The following ARHGAP40 variants were observed in gnomAD, a reference collection of about 807,000 sequenced individuals.
ARHGAP40 encodes the protein Rho GTPase activating protein 40, also known as rho GTPase-activating protein 40.
ARHGAP40 carries 43 observed loss-of-function variants against 73.5 expected under a neutral mutation model. That is an observed-to-expected ratio of 0.58 (90% CI 0.46 to 0.75). The LOEUF (loss-of-function observed/expected upper bound fraction) is 0.75, where lower values mean the gene tolerates loss of function less well. Among genes scored for constraint, ARHGAP40 ranks in the 30% least tolerant of loss-of-function variants. ARHGAP40 has a pLI of 0.00. For synonymous variants in ARHGAP40, 300 were observed against 352.8 expected, an observed-to-expected ratio of 0.85 and a Z score of 1.68; for missense variants, 734 against 861.8, an observed-to-expected ratio of 0.85 and a Z score of 1.86.
chr20:38,641,234 T>C (rs1376338947), intron 9 of ARHGAP40, among the ~76,000 whole-genome samples: 1 of 152,188 alleles, frequency 6.6e-6, no homozygotes, highest in African/African-American at 2.4e-5. Context: ...CTGGCTCTGA[T>C]GAACTCCTTC....
chr20:38,612,975 G>C (rs1569008055), intron 1 of ARHGAP40, among the ~76,000 whole-genome samples: 1 of 152,226 alleles, frequency 6.6e-6, no homozygotes, highest in Non-Finnish European at 1.5e-5. Context: ...CTGCGCTGCT[G>C]GCTGGAGGCC....
rs189062101 is a variant in ARHGAP40, at chr20:38,632,051, C to T, written c.783+2401C>T. Among the ~76,000 whole-genome samples, 595 of 152,008 alleles carry T rather than the reference C, an allele frequency of 3.9e-3. 5 individuals carry two copies. Among genetic ancestry groups the T allele is most frequent in the Non-Finnish European group, 4.9e-3 (335 of 67,998 alleles). The stretch of plus-strand genomic sequence containing the variant: ...AAACCTCGGCTCACTACAACCTCCA[C>T]CCCCGACGTTCAAGTGATTGTTGTG... On this transcript the variant is annotated intron_variant, in intron 5 of 14. Coordinates refer to ENST00000373345, the Ensembl canonical transcript of ARHGAP40.
chr20:38,644,641 T>TC (rs1344631049), intron 11 of ARHGAP40, among the ~76,000 whole-genome samples: 1 of 61,570 alleles, frequency 1.6e-5, no homozygotes, highest in Non-Finnish European at 2.9e-5. Context: ...CACCCACCTA[T>TC]CCCCCCCACC....
rs936861345 is a variant in ARHGAP40, at chr20:38,637,727, GCC to G, written c.972_973del (p.Leu325Ter). The G allele has an allele frequency of 2.8e-5, 37 of 1,305,268 alleles. No individual in the cohort carries two copies. In the Admixed American group the frequency reaches 8.0e-4, roughly 28 times the overall value. The allele number at this position is 1,305,268 out of a possible 1,614,324, so 80.9% of individuals were successfully genotyped here. ...CTGCAGAAACTCGCCTCTTTGGTGT[GCC>G]CCTTGACAGCCTGCTAGAAGCTGAC... On this transcript the variant is annotated frameshift_variant, in exon 7 of 15. Transcript: ENST00000373345. LOFTEE classifies it high-confidence loss of function.
chr20:38,634,524 C>T (rs1274373989), intron 5 of ARHGAP40, 96 bp from the exon 6 acceptor site: 1 of 1,135,086 alleles, frequency 8.8e-7, no homozygotes, highest in African/African-American at 1.6e-5. Context: ...GCTGCTCTTC[C>T]TTCTGCCTAA....
At chr20:38,615,250 C>T (rs2088828364) in intron 1 of ARHGAP40, 1 of 770,116 alleles carries the variant, frequency 1.3e-6, no homozygotes, top group Non-Finnish European at 2.4e-6. Context: ...ATTCATGATC[C>T]CTCATCTTCT....
intron 5 of ARHGAP40, among the ~76,000 whole-genome samples, chr20:38,634,358 A>G (rs1024657579): frequency 6.6e-6 from 1 of 152,178 alleles, no homozygotes; most frequent in Non-Finnish European, 1.5e-5. Flanking sequence ...TTTCCAAAGA[A>G]AAAAACAAAC....
chr20:38,641,803 T>A (rs1312021540), exon 10 of ARHGAP40: 1 of 1,292,202 alleles, frequency 7.7e-7, no homozygotes, highest in Middle Eastern at 2.1e-4. Flanking sequence ...CAGAAATGCC[T>A]TAAAGGTAAG....
At chr20:38,648,366 A>G (rs548861467) in intron 13 of ARHGAP40, among the ~76,000 whole-genome samples, 6 of 152,340 alleles carry the variant, frequency 3.9e-5, no homozygotes, top group African/African-American at 1.4e-4. Flanking sequence ...CGCAGTCTCC[A>G]TTCTGATGCC....
At chr20:38,607,127 G>A (rs554480479) in intron 1 of ARHGAP40, among the ~76,000 whole-genome samples, 2 of 152,276 alleles carry the variant, frequency 1.3e-5, no homozygotes, top group East Asian at 3.9e-4. Flanking sequence ...TGGTCAAAGG[G>A]CAAGTTCTTG....
chr20:38,643,639 T>C, intron 10 of ARHGAP40, 65 bp from the exon 11 acceptor site: 5 of 1,234,158 alleles, frequency 4.1e-6, no homozygotes, highest in Middle Eastern at 2.2e-4. Context: ...CAGAATGCCC[T>C]GGGGATGGTG....
intron 1 of ARHGAP40, among the ~76,000 whole-genome samples, chr20:38,607,915 T>A (rs1447347848): frequency 6.6e-6 from 1 of 152,202 alleles, no homozygotes; most frequent in Non-Finnish European, 1.5e-5. Flanking sequence ...CTGCCAACTT[T>A]CCCAGTAGAT....
intron 9 of ARHGAP40, among the ~76,000 whole-genome samples, chr20:38,640,026 A>G (rs1026386973): frequency 6.6e-6 from 1 of 152,164 alleles, no homozygotes; most frequent in African/African-American, 2.4e-5. Context: ...AGGGACAGGG[A>G]TCCTGAGAGG....
intron 2 of ARHGAP40, 140 bp downstream of exon 2, chr20:38,623,698 G>A: frequency 1.8e-6 from 1 of 566,428 alleles, no homozygotes; most frequent in Non-Finnish European, 2.6e-6. Context: ...CCTCTTCACT[G>A]CTCTCCCTGC....
intron 10 of ARHGAP40, among the ~76,000 whole-genome samples, chr20:38,643,162 AAAAC>A (rs2089029633): frequency 6.6e-6 from 1 of 152,000 alleles, no homozygotes; most frequent in Non-Finnish European, 1.5e-5. Context: ...AAAAAAACAA[AAAAC>A]AAACAAAAAA....
exon 11 of ARHGAP40, chr20:38,643,857 G>A (rs1330167113): frequency 3.8e-6 from 5 of 1,305,274 alleles, no homozygotes; most frequent in Non-Finnish European, 5.1e-6. Flanking sequence ...GCTGGCAGAA[G>A]GGGCAGCCGA....
chr20:38,618,609 G>A (rs1375698374), intron 1 of ARHGAP40, among the ~76,000 whole-genome samples: 2 of 152,124 alleles, frequency 1.3e-5, no homozygotes, highest in Admixed American at 6.5e-5. Context: ...CTGGGGACTG[G>A]AGCCATCTGT....
At chr20:38,622,575 G>C (rs146907257) in intron 1 of ARHGAP40, among the ~76,000 whole-genome samples, 3 of 152,150 alleles carry the variant, frequency 2.0e-5, no homozygotes, top group African/African-American at 4.8e-5. Flanking sequence ...GGAAGAAGAG[G>C]GGGATTAAAG....
chr20:38,605,145 G>C (rs77706231), intron 1 of ARHGAP40, among the ~76,000 whole-genome samples: 3 of 152,116 alleles, frequency 2.0e-5, no homozygotes, highest in African/African-American at 7.2e-5. Flanking sequence ...ATGTAAGCCC[G>C]GATCTGTTCT....
Sources: gnomAD v4.1 joint callset for allele counts (sites outside exome capture counted in the v4.1 genomes callset) on GRCh38, gnomAD v4.1.1 for gene constraint, MANE v1.5 for transcripts, NCBI Gene and HGNC (gene_info 2026-07-23, HGNC 2026-07-21) for gene names.